CHCHD3: variants seen among roughly 807,000 people sequenced by gnomAD.
CHCHD3 encodes coiled-coil-helix-coiled-coil-helix domain containing 3.
CHCHD3 carries 20 observed loss-of-function variants against 38.2 expected under a neutral mutation model. The observed-to-expected ratio is 0.52, with a 90% CI of 0.37 to 0.76. The LOEUF (loss-of-function observed/expected upper bound fraction) is 0.76. Among genes scored for constraint, CHCHD3 ranks in the 30% least tolerant of loss-of-function variants. The probability of loss-of-function intolerance (pLI) is 0.00; values close to 1 mark genes in which losing one functional copy is unlikely to be tolerated. For missense variants in CHCHD3, 245 were observed against 279.2 expected (o/e 0.88, Z 0.87); for synonymous variants, 82 against 100.0 (o/e 0.82, Z 1.07).
rs1811883436 is a variant in CHCHD3, at chr7:132,980,188, TG to T, written c.252-4903del. On this transcript the variant is annotated intron_variant, in intron 3 of 7. Transcript: ENST00000262570. Reference sequence around the variant, plus strand: ...GGAGCTATAAAATCAGAAGCCATGTTGTTTTGGGAACACTTCACTAAGGAGA... The same window carrying T: ...GGAGCTATAAAATCAGAAGCCATGTTTTTTGGGAACACTTCACTAAGGAGA... 2.0e-5 allele frequency among the ~76,000 whole-genome samples: 3 copies of T among 152,358 alleles called. No individual in the cohort carries two copies. In the South Asian group the frequency reaches 6.2e-4, roughly 32 times the overall value.
intron 3 of CHCHD3, among the ~76,000 whole-genome samples, chr7:132,991,443 CACAATTATTAACAGT>C (rs964524477): frequency 3.9e-5 from 6 of 152,056 alleles, no homozygotes; most frequent in African/African-American, 1.4e-4. Flanking sequence ...TGTGCCCAGT[CACAATTATTAACAGT>C]ACAACTGATA....
chr7:132,797,050 T>C (rs1806637995), intron 6 of CHCHD3, among the ~76,000 whole-genome samples: 1 of 152,170 alleles, frequency 6.6e-6, no homozygotes, highest in African/African-American at 2.4e-5. Flanking sequence ...CCTCTACTCC[T>C]GCCTGCACAC....
chr7:132,817,788 T>TCACTTGACCCAGGAGGTC (rs1317302230), intron 6 of CHCHD3, among the ~76,000 whole-genome samples: 1 of 151,786 alleles, frequency 6.6e-6, no homozygotes, highest in African/African-American at 2.4e-5. Flanking sequence ...CCCAGGAGGA[T>TCACTTGACCCAGGAGGTC]CACTTGACCC....
intron 6 of CHCHD3, among the ~76,000 whole-genome samples, chr7:132,834,634 G>C (rs1331116929): frequency 6.6e-6 from 1 of 152,126 alleles, no homozygotes; most frequent in Non-Finnish European, 1.5e-5. Context: ...CTCAGTTATG[G>C]TTTACTATAG....
chr7:133,081,956 A>T lies in CHCHD3; in HGVS notation c.-19T>A. On this transcript the variant is annotated 5_prime_UTR_variant, in exon 1 of 8. Coordinates refer to ENST00000262570, the MANE Select transcript of CHCHD3 (RefSeq NM_017812.4). ...CACCCATGATTCCGGTTCCTGCCCC[A>T]GCGGAGACCTAGCGGGGAACCACGA... is the stretch of plus-strand genomic sequence containing the variant. 1 of 1,533,942 alleles carries T rather than the reference A, an allele frequency of 6.5e-7. No homozygotes were observed. The highest frequency in any genetic ancestry group is 8.8e-7 in the Non-Finnish European group (1 of 1,138,080).
At chr7:133,045,701 G>A (rs537224840) in intron 2 of CHCHD3, among the ~76,000 whole-genome samples, 18 of 152,000 alleles carry the variant, frequency 1.2e-4, no homozygotes, top group Non-Finnish European at 2.2e-4. Context: ...CTGTGTCCCC[G>A]CCCAAATCTC....
chr7:132,966,520 A>G (rs1013857115), intron 4 of CHCHD3, among the ~76,000 whole-genome samples: 1 of 152,202 alleles, frequency 6.6e-6, no homozygotes, highest in African/African-American at 2.4e-5. Flanking sequence ...TTAACATCCA[A>G]TACACGAAAA....
chr7:132,960,701 G>A (rs1266767982), intron 4 of CHCHD3, among the ~76,000 whole-genome samples: 2 of 152,146 alleles, frequency 1.3e-5, no homozygotes, highest in South Asian at 4.1e-4. Flanking sequence ...AATGGGGCCA[G>A]GCATGGTGGC....
chr7:132,930,969 T>C (rs889377788), intron 4 of CHCHD3, among the ~76,000 whole-genome samples: 1 of 152,182 alleles, frequency 6.6e-6, no homozygotes, highest in African/African-American at 2.4e-5. Flanking sequence ...CTTCTATCTA[T>C]ATGCAGGTAT....
intron 2 of CHCHD3, among the ~76,000 whole-genome samples, chr7:133,045,131 C>T: frequency 6.6e-6 from 1 of 152,152 alleles, no homozygotes; most frequent in East Asian, 1.9e-4. Context: ...CTTATGATTC[C>T]CCACCTAAGA....
At chr7:133,077,107 T>C (rs764148203) in intron 1 of CHCHD3, among the ~76,000 whole-genome samples, 2 of 152,186 alleles carry the variant, frequency 1.3e-5, no homozygotes, top group African/African-American at 4.8e-5. Flanking sequence ...TTGATAGATA[T>C]ATATGAAATA....
At chr7:132,875,401 G>A (rs1808871474) in intron 5 of CHCHD3, among the ~76,000 whole-genome samples, 1 of 152,164 alleles carries the variant, frequency 6.6e-6, no homozygotes, top group African/African-American at 2.4e-5. Context: ...GGTCCTCAAA[G>A]GAACTTACCT....
intron 5 of CHCHD3, among the ~76,000 whole-genome samples, chr7:132,870,351 CAAAAA>C (rs58488494): frequency 3.0e-5 from 3 of 99,386 alleles, no homozygotes; most frequent in Non-Finnish European, 2.0e-5. Context: ...CCTATCTCAC[CAAAAA>C]AAAAAAAAAA....
intron 4 of CHCHD3, among the ~76,000 whole-genome samples, chr7:132,915,914 T>C: frequency 6.6e-6 from 1 of 152,110 alleles, no homozygotes; most frequent in East Asian, 1.9e-4. Context: ...ATATTGTGCT[T>C]TGTGGTGAGT....
chr7:133,033,203 G>A (rs1163225477), intron 2 of CHCHD3, among the ~76,000 whole-genome samples: 1 of 152,110 alleles, frequency 6.6e-6, no homozygotes, highest in Non-Finnish European at 1.5e-5. Flanking sequence ...TTCACTCTTG[G>A]AAAATTCAGT....
Position 132,918,908 on chromosome 7 carries a change from C to T in CHCHD3, c.370-33163G>A, listed in dbSNP as rs919166048. ...CAGCTGACTTAACAGATAAGAAACGCACAGGAGTGTCAGAAAGTCTACCAG... is the reference window on the plus strand; with the variant it reads ...CAGCTGACTTAACAGATAAGAAACGTACAGGAGTGTCAGAAAGTCTACCAG... On this transcript the variant is annotated intron_variant, in intron 4 of 7. Transcript: ENST00000262570. 2.0e-5 allele frequency among the ~76,000 whole-genome samples: 3 copies of T among 152,006 alleles called. No individual in the cohort carries two copies. In the East Asian group the frequency reaches 5.8e-4, roughly 29 times the overall value.
At chr7:132,992,429 C>T (rs1287971655) in intron 3 of CHCHD3, among the ~76,000 whole-genome samples, 4 of 152,116 alleles carry the variant, frequency 2.6e-5, no homozygotes, top group African/African-American at 7.2e-5. Flanking sequence ...CAGAGCCTCT[C>T]CTCCAAGCTT....
intron 3 of CHCHD3, among the ~76,000 whole-genome samples, chr7:133,021,026 C>T (rs762371558): frequency 6.6e-6 from 1 of 152,092 alleles, no homozygotes; most frequent in Non-Finnish European, 1.5e-5. Flanking sequence ...AAACAGCATC[C>T]CTGGCCTCCA....
chr7:132,801,964 A>G (rs911677389), intron 6 of CHCHD3, among the ~76,000 whole-genome samples: 8 of 152,128 alleles, frequency 5.3e-5, no homozygotes, highest in Non-Finnish European at 1.2e-4. Flanking sequence ...TAGGACCCTG[A>G]GTAAAAGCCC....
Sources: gnomAD v4.1 joint callset for allele counts (sites outside exome capture counted in the v4.1 genomes callset) on GRCh38, gnomAD v4.1.1 for gene constraint, MANE v1.5 for transcripts, NCBI Gene and HGNC (gene_info 2026-07-23, HGNC 2026-07-21) for gene names.